The following EPHA6 variants were observed in gnomAD, a reference collection of about 807,000 sequenced individuals.
The protein encoded by EPHA6 is EPH receptor A6, also known as ephrin type-A receptor 6.
EPHA6 carries 50 observed loss-of-function variants against 112.0 expected under a neutral mutation model. That is an observed-to-expected ratio of 0.45 (90% confidence interval 0.36 to 0.56). The LOEUF is 0.56. Among genes scored for constraint, EPHA6 ranks in the 20% least tolerant of loss-of-function variants. The probability of loss-of-function intolerance (pLI) is 0.00; values close to 1 mark genes in which losing one functional copy is unlikely to be tolerated. For synonymous variants in EPHA6, 529 were observed against 490.7 expected (o/e 1.08, Z -1.03); for missense variants, 1,280 against 1,417.4 (o/e 0.90, Z 1.56).
intron 1 of EPHA6, among the ~76,000 whole-genome samples, chr3:96,833,757 AC>A (rs1258825174): frequency 1.3e-5 from 2 of 151,972 alleles, no homozygotes; most frequent in African/African-American, 4.8e-5. Flanking sequence ...TTCAAAACTA[AC>A]TGCATTTATC....
At chr3:97,330,604 T>C (rs2082740345) in intron 5 of EPHA6, among the ~76,000 whole-genome samples, 1 of 151,994 alleles carries the variant, frequency 6.6e-6, no homozygotes, top group Non-Finnish European at 1.5e-5. Context: ...TCCTAGTCTC[T>C]GCTAAAACAG....
At chr3:97,336,389 C>T (rs2083058437) in intron 5 of EPHA6, among the ~76,000 whole-genome samples, 1 of 152,136 alleles carries the variant, frequency 6.6e-6, no homozygotes, top group African/African-American at 2.4e-5. Context: ...AAGGTAGTTT[C>T]AGCTGGATGC....
At chr3:96,934,454 A>G (rs1002371513) in intron 2 of EPHA6, among the ~76,000 whole-genome samples, 2 of 151,652 alleles carry the variant, frequency 1.3e-5, no homozygotes, top group South Asian at 4.2e-4. Flanking sequence ...TTTTCTGCAT[A>G]CCTTATTATT....
chr3:97,065,325 A>G (rs2046144208), intron 3 of EPHA6, among the ~76,000 whole-genome samples: 1 of 152,168 alleles, frequency 6.6e-6, no homozygotes, highest in South Asian at 2.1e-4. Context: ...TTAAATGTTC[A>G]AAGTAGAGTC....
intron 3 of EPHA6, among the ~76,000 whole-genome samples, chr3:97,137,429 T>C (rs899884276): frequency 3.3e-5 from 5 of 152,112 alleles, no homozygotes; most frequent in Non-Finnish European, 7.4e-5. Flanking sequence ...AACAAATTAC[T>C]CTGCCTTTAT....
At chr3:97,025,365 A>G (rs906521589) in intron 3 of EPHA6, among the ~76,000 whole-genome samples, 10 of 152,150 alleles carry the variant, frequency 6.6e-5, no homozygotes, top group Non-Finnish European at 1.2e-4. Context: ...AGTCTCTGAT[A>G]TTAGTACTTT....
At position 97,214,038 on chromosome 3, in the gene EPHA6, T is replaced by TGTGA. The variant is rs1491420279; in HGVS notation, c.1115-12225_1115-12224insTGAG. Among the ~76,000 whole-genome samples the TGTGA allele has an allele frequency of 7.4e-3, 577 of 77,812 alleles. 10 individuals carry two copies. Among genetic ancestry groups the TGTGA allele is most frequent in the African/African-American group, 0.019 (536 of 28,634 alleles). The allele number at this position is 77,812 out of a possible 152,430, so 51.0% of individuals were successfully genotyped here. A position where few individuals can be genotyped will look rare whatever the true frequency, so the allele number is the denominator to read the frequency against. ...GTGTGTGTGTGTGTGTGTGTGTGTG[T>TGTGA]GAGAGAGAGAGAGAGAGGGAGAGGG... On this transcript the variant is annotated intron_variant, in intron 3 of 17. Coordinates refer to ENST00000389672, the MANE Select transcript of EPHA6 (RefSeq NM_001080448.3).
intron 7 of EPHA6, among the ~76,000 whole-genome samples, chr3:97,459,400 A>C (rs186856009): frequency 2.4e-4 from 36 of 152,326 alleles, no homozygotes; most frequent in African/African-American, 8.2e-4. Context: ...ATTCGGCTGC[A>C]AGCTTTGGTT....
chr3:97,501,930 C>T (rs1263688104), intron 10 of EPHA6, among the ~76,000 whole-genome samples: 1 of 151,926 alleles, frequency 6.6e-6, no homozygotes, highest in South Asian at 2.1e-4. Flanking sequence ...AAGAGGCTGG[C>T]AAGTCCAGTT....
At position 97,316,757 on chromosome 3, in the gene EPHA6, G is replaced by A. The variant is rs79565270; in HGVS notation, c.1606+72470G>A. ...ACAAGTAGTTTTATGTTAACAATTG[G>A]ATAAATACCAGAAAAATGAGAATTT... On this transcript the variant is annotated intron_variant, in intron 5 of 17. Transcript: ENST00000389672. Among the ~76,000 whole-genome samples the A allele has an allele frequency of 3.4e-3, 522 of 151,814 alleles. 7 individuals are homozygous for A. The highest frequency in any genetic ancestry group is 0.023 in the Admixed American group (350 of 15,212).
At chr3:97,590,014 T>C (rs1307347488) in intron 11 of EPHA6, among the ~76,000 whole-genome samples, 1 of 152,176 alleles carries the variant, frequency 6.6e-6, no homozygotes, top group Admixed American at 6.5e-5. Context: ...ACCTAGTGGA[T>C]GAAGAAACAA....
At chr3:97,584,013 G>A (rs1400515835) in intron 11 of EPHA6, among the ~76,000 whole-genome samples, 1 of 151,856 alleles carries the variant, frequency 6.6e-6, no homozygotes, top group Admixed American at 6.6e-5. Flanking sequence ...CTGAACACTG[G>A]GTCATCATAA....
chr3:96,904,562 C>G (rs2038820888), intron 2 of EPHA6, among the ~76,000 whole-genome samples: 1 of 151,066 alleles, frequency 6.6e-6, no homozygotes, highest in South Asian at 2.1e-4. Context: ...ACATATGTAA[C>G]TAACCTGCAC....
At chr3:97,249,599 TCAGA>T (rs2079075816) in intron 5 of EPHA6, among the ~76,000 whole-genome samples, 1 of 152,182 alleles carries the variant, frequency 6.6e-6, no homozygotes, top group Non-Finnish European at 1.5e-5. Context: ...ACAACTGTTC[TCAGA>T]CAGTTGTGTA....
At chr3:96,913,943 C>T (rs1429319977) in intron 2 of EPHA6, among the ~76,000 whole-genome samples, 1 of 152,044 alleles carries the variant, frequency 6.6e-6, no homozygotes, top group Admixed American at 6.6e-5. Flanking sequence ...TGGTATGTGA[C>T]TAATAGATAA....
chr3:96,912,610 AG>A (rs914680368), intron 2 of EPHA6, among the ~76,000 whole-genome samples: 3 of 152,128 alleles, frequency 2.0e-5, no homozygotes, highest in South Asian at 2.1e-4. Flanking sequence ...TGTTTTGAAA[AG>A]GGGGTTCACT....
chr3:97,622,547 A>G (rs907141603), intron 13 of EPHA6, among the ~76,000 whole-genome samples: 1 of 151,810 alleles, frequency 6.6e-6, no homozygotes, highest in East Asian at 1.9e-4. Context: ...GAAGAATGCT[A>G]CTGTGAGAAT....
Position 97,752,820 on chromosome 3 carries a change from CTG to C in EPHA6, c.*4121_*4122del, listed in dbSNP as rs2035933349. Among the ~76,000 whole-genome samples the C allele has an allele frequency of 6.6e-6, 1 of 151,974 alleles. No homozygotes were observed. Among genetic ancestry groups the C allele is most frequent in the African/African-American group, 2.4e-5 (1 of 41,420 alleles). On this transcript the variant is annotated 3_prime_UTR_variant, in exon 18 of 18. Transcript: ENST00000389672. ...AAAATTAGTATTTTAAGATCAATAT[CTG>C]TTATTATAAACTCACAGTTGGTGTC...
At chr3:97,204,853 T>G (rs1313556135) in intron 3 of EPHA6, among the ~76,000 whole-genome samples, 1 of 152,104 alleles carries the variant, frequency 6.6e-6, no homozygotes, top group Non-Finnish European at 1.5e-5. Flanking sequence ...CAACAGGCAT[T>G]TTGCCTACTA....
Sources: allele counts gnomAD v4.1 joint callset (sites outside exome capture counted in the v4.1 genomes callset), GRCh38; gene constraint gnomAD v4.1.1; transcripts MANE v1.5; gene names NCBI Gene and HGNC (gene_info 2026-07-23, HGNC 2026-07-21).